GABRA5: variants seen among roughly 807,000 people sequenced by gnomAD.
GABRA5 encodes gamma-aminobutyric acid type A receptor subunit alpha5.
GABRA5 carries 18 observed loss-of-function variants against 47.3 expected under a neutral mutation model. The ratio of observed to expected loss-of-function variants is 0.38; its 90% CI spans 0.26 to 0.56. The LOEUF (loss-of-function observed/expected upper bound fraction) is 0.56, where lower values mean the gene tolerates loss of function less well. GABRA5 is among the 20% of genes least tolerant of loss of function. GABRA5 has a pLI of 0.71. For synonymous variants in GABRA5, 237 were observed against 229.3 expected, an observed-to-expected ratio of 1.03 and a Z score of -0.30; for missense variants, 365 against 599.3, an observed-to-expected ratio of 0.61 and a Z score of 4.08.
intron 3 of GABRA5, among the ~76,000 whole-genome samples, chr15:26,874,921 T>C (rs1308808548): frequency 6.6e-6 from 1 of 152,212 alleles, no homozygotes; most frequent in Non-Finnish European, 1.5e-5. Flanking sequence ...GCATTAAGTG[T>C]CATTTTGACA....
intron 3 of GABRA5, among the ~76,000 whole-genome samples, chr15:26,875,705 G>A (rs964401981): frequency 1.3e-5 from 2 of 152,098 alleles, no homozygotes; most frequent in African/African-American, 4.8e-5. Flanking sequence ...CGGGGAGGGA[G>A]CGTCGTCAGG....
intron 7 of GABRA5, among the ~76,000 whole-genome samples, chr15:26,920,493 A>ACTTTGTT (rs1893817947): frequency 6.6e-6 from 1 of 151,924 alleles, no homozygotes; most frequent in Non-Finnish European, 1.5e-5. Context: ...TTGAAAATTC[A>ACTTTGTT]CTTTGTTCAT....
intron 7 of GABRA5, among the ~76,000 whole-genome samples, chr15:26,916,295 C>T: frequency 6.6e-6 from 1 of 152,184 alleles, no homozygotes; most frequent in Middle Eastern, 3.4e-3. Flanking sequence ...ATTTTCCTTT[C>T]CTCTTTAAAA....
At chr15:26,945,268 G>A (rs1595439607) in intron 10 of GABRA5, among the ~76,000 whole-genome samples, 1 of 152,324 alleles carries the variant, frequency 6.6e-6, no homozygotes, top group East Asian at 1.9e-4. Context: ...GTCAGACACT[G>A]GCGCGAGCGT....
chr15:26,937,489 G>A (rs1894274648), intron 8 of GABRA5, among the ~76,000 whole-genome samples, 161 bp downstream of exon 8: 1 of 152,170 alleles, frequency 6.6e-6, no homozygotes, highest in Admixed American at 6.5e-5. Context: ...ATGGGCCACA[G>A]CTGTATGAGA....
At chr15:26,930,121 T>C (rs1477945577) in intron 7 of GABRA5, among the ~76,000 whole-genome samples, 1 of 151,658 alleles carries the variant, frequency 6.6e-6, no homozygotes, top group Admixed American at 6.6e-5. Context: ...CAAGCGATTC[T>C]CCTGCTTCAG....
chr15:26,883,283 G>GC lies in GABRA5; in HGVS notation c.277-49dup, dbSNP rs745757963. On this transcript the variant is annotated intron_variant, in intron 5 of 10. Transcript: ENST00000335625. The surrounding 1 kb of genome is among the most constrained non-coding windows in gnomAD (Gnocchi z 4.8). ...AGACAATTCTTACTCCGCGCCGCAG[G>GC]CCCCCGCCCAGGCCCCGTGCCCTCT... 2.5e-6 allele frequency: 4 copies of GC among 1,611,022 alleles called. No homozygotes were observed. The highest frequency in any genetic ancestry group is 1.7e-6 in the Non-Finnish European group (2 of 1,177,356).
Position 26,936,470 on chromosome 15 carries a change from A to G in GABRA5, c.581-715A>G, listed in dbSNP as rs1291090023. 5.9e-5 allele frequency among the ~76,000 whole-genome samples: 9 copies of G among 152,210 alleles called. No individual in the cohort carries two copies. The East Asian group carries it at 1.7e-3, about 29-fold the overall frequency. On this transcript the variant is annotated intron_variant, in intron 7 of 10. Coordinates refer to ENST00000335625, the MANE Select transcript of GABRA5 (RefSeq NM_000810.4). ...ATGCTTCTAATCTCTCTGATTAGGG[A>G]AGTTCTCTGTTTTTAAGGAGGCAAG...
chr15:26,871,832 A>C (rs1892480557), intron 3 of GABRA5, among the ~76,000 whole-genome samples: 1 of 152,232 alleles, frequency 6.6e-6, no homozygotes. Flanking sequence ...TACGTAGTGA[A>C]TGATTTTGCT....
intron 3 of GABRA5, among the ~76,000 whole-genome samples, chr15:26,879,391 A>G (rs1162765813): frequency 6.6e-6 from 1 of 152,192 alleles, no homozygotes; most frequent in African/African-American, 2.4e-5. Context: ...GCTTAGTGCT[A>G]TGTCTTTCCG....
In GABRA5 at chr15:26,867,880, A is replaced by C. The variant is rs979408656; in HGVS notation, c.-140+769A>C. The C allele has an allele frequency of 4.6e-5, 7 of 152,058 alleles. No homozygotes were observed. In the East Asian group the frequency reaches 1.4e-3, roughly 30 times the overall value. 9.4% of individuals were successfully genotyped at this position (152,058 alleles called of 1,614,324 possible). ...CTGCTGCACCGCGCGCTCCCAGCCC[A>C]GGAGGAAGGCGCTGCCTGGCGGAGC... On this transcript the variant is annotated intron_variant, in intron 1 of 10. Transcript: ENST00000335625. The surrounding 1 kb of genome is among the most constrained non-coding windows in gnomAD (Gnocchi z 5.9).
At chr15:26,876,277 T>A (rs1892595258) in intron 3 of GABRA5, among the ~76,000 whole-genome samples, 1 of 151,896 alleles carries the variant, frequency 6.6e-6, no homozygotes, top group African/African-American at 2.4e-5. Flanking sequence ...GGGCTGGAGG[T>A]GTGGACCTGA....
chr15:26,922,571 A>G (rs1275752576), intron 7 of GABRA5, among the ~76,000 whole-genome samples: 1 of 152,196 alleles, frequency 6.6e-6, no homozygotes, highest in African/African-American at 2.4e-5. Flanking sequence ...AATGTAATGA[A>G]TGAAATGTTA....
Position 26,943,324 on chromosome 15 carries a change from C to T in GABRA5, c.987C>T (p.Ala329=), listed in dbSNP as rs78943606. ...AMDWFIAVCY[A]FVFSALIEFA... is the part of the protein sequence containing the mutation. ...ACTGGTTCATAGCCGTGTGCTATGCCTTCGTCTTCTCGGCGCTGATAGAGT... is the reference window on the plus strand; with the variant it reads ...ACTGGTTCATAGCCGTGTGCTATGCTTTCGTCTTCTCGGCGCTGATAGAGT... The change falls in exon 10 of 11, where the codon GCC becomes GCT. Residue 329 remains alanine (A), a synonymous_variant. Coordinates refer to ENST00000335625, the MANE Select transcript of GABRA5 (RefSeq NM_000810.4). 1 of 1,592,012 alleles carries T rather than the reference C, an allele frequency of 6.3e-7. No homozygotes were observed. The highest frequency in any genetic ancestry group is 8.6e-7 in the Non-Finnish European group (1 of 1,169,358).
At chr15:26,947,557 T>C (rs540645022) in intron 10 of GABRA5, among the ~76,000 whole-genome samples, 9 of 152,316 alleles carry the variant, frequency 5.9e-5, no homozygotes, top group Admixed American at 5.2e-4. Flanking sequence ...TTCTTTTTTA[T>C]GGCTGCACCA....
rs757411229 is a variant in GABRA5 at position 26,948,230 on chromosome 15, A to G, written c.1386A>G (p.Lys462=). The change falls in exon 11 of 11, where the codon AAA becomes AAG. Residue 462 remains lysine (K), a synonymous_variant. Coordinates refer to ENST00000335625, the MANE Select transcript of GABRA5 (RefSeq NM_000810.4). ...EPVIKGAASP[K] ...TGATAAAAGGAGCCGCCTCTCCAAA[A>G]TAACCGGCCACACTCCCAAACTCCA... 1 of 1,610,376 alleles carries G rather than the reference A, an allele frequency of 6.2e-7. No individual in the cohort carries two copies. The highest frequency in any genetic ancestry group is 1.7e-5 in the Admixed American group (1 of 59,772).
At chr15:26,884,194 A>T (rs1892818186) in intron 6 of GABRA5, among the ~76,000 whole-genome samples, 1 of 151,996 alleles carries the variant, frequency 6.6e-6, no homozygotes, top group African/African-American at 2.4e-5. Flanking sequence ...GTCTCGAAAA[A>T]AGAAAAAAAA....
rs79274924 is a variant in GABRA5, at chr15:26,883,351, C to T, written c.291C>T (p.Asp97=). Residue 97 remains aspartate, a synonymous_variant, in exon 6 of 11, where the codon GAC becomes GAT. Transcript: ENST00000335625. The surrounding 1 kb of genome is among the most constrained non-coding windows in gnomAD (Gnocchi z 4.8). ...VSDTEMEYTI[D]VFFRQSWKDE... is the part of the protein sequence containing the mutation. ...CTTTCCACTAGGAGTACACCATAGA[C>T]GTGTTTTTCCGACAAAGCTGGAAAG... The T allele has an allele frequency of 6.7e-4, 1,079 of 1,613,970 alleles. No homozygotes were observed. The highest frequency in any genetic ancestry group is 2.5e-3 in the Middle Eastern group (15 of 6,062).
chr15:26,879,338 A>G (rs2140250886), intron 3 of GABRA5, among the ~76,000 whole-genome samples: 1 of 152,288 alleles, frequency 6.6e-6, no homozygotes, highest in South Asian at 2.1e-4. Context: ...CCCCCTGCAA[A>G]ACTCTGAAGA....
Sources: gnomAD v4.1 joint callset for allele counts (sites outside exome capture counted in the v4.1 genomes callset) on GRCh38, gnomAD v4.1.1 for gene constraint, Gnocchi (gnomAD v3.1) non-coding constraint, MANE v1.5 for transcripts, NCBI Gene and HGNC (gene_info 2026-07-23, HGNC 2026-07-21) for gene names.